Variants in SDK2 observed in about 807,000 individuals in gnomAD.
SDK2 encodes sidekick cell adhesion molecule 2.
In SDK2, 105 loss-of-function variants were observed where a neutral mutation model predicts 253.9. The observed-to-expected ratio is 0.41, with a 90% CI of 0.35 to 0.49. SDK2 has a LOEUF of 0.49. Ranked by LOEUF, SDK2 falls within the 20% of genes least tolerant of loss-of-function variation. The pLI, the probability that SDK2 is intolerant of heterozygous loss-of-function variation, is 0.06. For missense variants in SDK2, 2,608 were observed against 3,003.0 expected, an observed-to-expected ratio of 0.87 and a Z score of 3.07; for synonymous variants, 1,249 against 1,234.9, an observed-to-expected ratio of 1.01 and a Z score of -0.24.
chr17:73,447,534 C>A lies in SDK2; in HGVS notation c.613+81G>T. 6.6e-7 allele frequency: 1 copy of A among 1,525,748 alleles called. No individual in the cohort carries two copies. The highest frequency in any genetic ancestry group is 1.2e-5 in the South Asian group (1 of 81,092). The allele number at this position is 1,525,748 out of a possible 1,614,324, so 94.5% of individuals were successfully genotyped here. On this transcript the variant is annotated intron_variant, in intron 5 of 44. Coordinates refer to ENST00000392650, the MANE Select transcript of SDK2 (RefSeq NM_001144952.2). This position sits in a 1 kb window ranked among gnomAD's most constrained non-coding sequence, Gnocchi z 4.0. ...CTGTCCCCCTCCTCTGCCACTCCAT[C>A]TTCCCAATGATCCCCTGGAGCACCA... is the stretch of plus-strand genomic sequence containing the variant.
chr17:73,416,620 C>T (rs1210986162), intron 16 of SDK2, among the ~76,000 whole-genome samples: 2 of 150,528 alleles, frequency 1.3e-5, no homozygotes, highest in Non-Finnish European at 3.0e-5. Flanking sequence ...GATGGAGTCT[C>T]GCTCTTTCAC....
chr17:73,341,323 T>C (rs1048185101), intron 44 of SDK2, among the ~76,000 whole-genome samples: 3 of 150,800 alleles, frequency 2.0e-5, no homozygotes, highest in South Asian at 2.1e-4. Context: ...TCAATCTCGG[T>C]TGGAAAGTAA....
At position 73,419,419 on chromosome 17, in the gene SDK2, G is replaced by A. The variant is rs75493158; in HGVS notation, c.2046-113C>T. 3,411 of 1,189,828 alleles carry A rather than the reference G, an allele frequency of 2.9e-3. 56 individuals are homozygous for A. The African/African-American group carries it at 0.041, about 14-fold the overall frequency. 73.7% of individuals were successfully genotyped at this position (1,189,828 alleles called of 1,614,324 possible). On this transcript the variant is annotated intron_variant, in intron 15 of 44. Coordinates refer to ENST00000392650, the MANE Select transcript of SDK2 (RefSeq NM_001144952.2). ...TGACTCTGGATAATTCGGTACAACT[G>A]CTGTGTGCATCTGGGCAAGTTACCT... is the stretch of plus-strand genomic sequence containing the variant.
intron 34 of SDK2, among the ~76,000 whole-genome samples, chr17:73,380,250 A>G (rs749181057): frequency 6.6e-6 from 1 of 152,098 alleles, no homozygotes; most frequent in Non-Finnish European, 1.5e-5. Context: ...CTAGCTGTCT[A>G]TGCAGCCTGG....
chr17:73,529,107 C>G (rs554781251), intron 1 of SDK2, among the ~76,000 whole-genome samples: 46 of 152,280 alleles, frequency 3.0e-4, no homozygotes, highest in African/African-American at 1.1e-3. Flanking sequence ...GCTTTCTTTT[C>G]TGTCATATGG....
intron 1 of SDK2, among the ~76,000 whole-genome samples, chr17:73,637,387 T>C (rs1177452754): frequency 6.6e-6 from 1 of 152,160 alleles, no homozygotes; most frequent in East Asian, 1.9e-4. Flanking sequence ...ATAATTATTA[T>C]TATTGTTTTG....
At chr17:73,631,871 C>G (rs751824040) in intron 1 of SDK2, among the ~76,000 whole-genome samples, 4 of 152,238 alleles carry the variant, frequency 2.6e-5, no homozygotes, top group Non-Finnish European at 5.9e-5. Flanking sequence ...GCCCAAACCT[C>G]TGACTAAGAG....
rs759049279 is a variant in SDK2, at chr17:73,383,904, G to A, written c.4677C>T (p.Asn1559=). The A allele has an allele frequency of 1.9e-6, 3 of 1,613,866 alleles. No homozygotes were observed. In the South Asian group the frequency reaches 3.3e-5, roughly 18 times the overall value. The part of the protein sequence containing the change: ...LRGFTLRGIN[N]PGATWAELTS... ...TAAGCTCAGCCCATGTGGCCCCTGG[G>A]TTGTTGATGCCTCGAAGCGTGAAGC... The change falls in exon 33 of 45, where the codon AAC becomes AAT. Residue 1559 remains asparagine, a synonymous_variant. Coordinates refer to ENST00000392650, the MANE Select transcript of SDK2 (RefSeq NM_001144952.2). The surrounding 1 kb of genome is among the most constrained non-coding windows in gnomAD (Gnocchi z 4.3).
rs2062812257 is a variant in SDK2, at chr17:73,379,455, C to T, written c.4857G>A (p.Gly1619=). 1 of 1,605,414 alleles carries T rather than the reference C, an allele frequency of 6.2e-7. No homozygotes were observed. Among genetic ancestry groups the T allele is most frequent in the African/African-American group, 1.3e-5 (1 of 74,916 alleles). The part of the protein sequence containing the change: ...PSSPPQEVFV[G]EAVPTAAPRN... ...AGGGCGGGCGCTGCTCACCTGCCTCCCCAACAAAGACCTCCTGCGGGGGGC... is the reference window on the plus strand; with the variant it reads ...AGGGCGGGCGCTGCTCACCTGCCTCTCCAACAAAGACCTCCTGCGGGGGGC... Residue 1619 remains glycine, a synonymous_variant, in exon 35 of 45, where the codon GGG becomes GGA. Coordinates refer to ENST00000392650, the MANE Select transcript of SDK2 (RefSeq NM_001144952.2). This position sits in a 1 kb window ranked among gnomAD's most constrained non-coding sequence, Gnocchi z 4.5.
intron 16 of SDK2, 136 bp downstream of exon 16, chr17:73,419,030 G>T: frequency 1.1e-6 from 1 of 926,748 alleles, no homozygotes; most frequent in Non-Finnish European, 1.6e-6. Flanking sequence ...CACTGAGTAG[G>T]CATTTCTTGT....
intron 36 of SDK2, among the ~76,000 whole-genome samples, chr17:73,372,571 T>C (rs1463368573): frequency 6.6e-6 from 1 of 152,104 alleles, no homozygotes; most frequent in Non-Finnish European, 1.5e-5. Flanking sequence ...TGAGGTATAA[T>C]TGACAATCTA....
At chr17:73,463,727 G>C (rs547080696) in intron 3 of SDK2, among the ~76,000 whole-genome samples, 3 of 152,084 alleles carry the variant, frequency 2.0e-5, no homozygotes, top group Non-Finnish European at 4.4e-5. Context: ...ATTTTTTTGG[G>C]GGGGCTCCAT....
Position 73,414,672 on chromosome 17 carries a change from A to T in SDK2, c.2456T>A (p.Phe819Tyr), listed in dbSNP as rs2063165300. 6.2e-7 allele frequency: 1 copy of T among 1,613,822 alleles called. No individual in the cohort carries two copies. Among genetic ancestry groups the T allele is most frequent in the East Asian group, 2.2e-5 (1 of 44,852 alleles). ...GTAGCCCTGGTTGATGCCGTTGATG[A>T]ACTGGGGGCTGGGGGCGTTCCAGGT... ...RFTWNAPSPQ[F>Y]INGINQGYKL... The change falls in exon 18 of 45, where the codon TTC becomes TAC. Residue 819 changes from phenylalanine to tyrosine, a missense_variant. Physicochemically the swap from Phe to Tyr is conservative, Grantham distance 22. This residue lies in a region of SDK2 where 1,505 missense variants were observed against 1,859.1 expected (regional missense o/e 0.81). Coordinates refer to ENST00000392650, the MANE Select transcript of SDK2 (RefSeq NM_001144952.2).
rs753827757 is a variant in SDK2, at chr17:73,361,707, T to C, written c.5444A>G (p.Asn1815Ser). 9 of 1,612,108 alleles carry C rather than the reference T, an allele frequency of 5.6e-6. No individual in the cohort carries two copies. The East Asian group carries it at 2.0e-4, about 36-fold the overall frequency. ...ACCTTCTCCGGGGCCCGTGGTGACG[T>C]TGGCTTCGATCTCCGGCCCGTAGGT... ...TFTYGPEIEA[N>S]VTTGPGEGAP... Residue 1815 changes from asparagine to serine, a missense_variant, in exon 39 of 45, where the codon AAC (asparagine) becomes AGC (serine). Around this residue, in one of 2 missense-constraint regions of SDK2, gnomAD observed 1,103 missense variants for 1,143.9 expected, o/e 0.96. Coordinates refer to ENST00000392650, the MANE Select transcript of SDK2 (RefSeq NM_001144952.2). The surrounding 1 kb of genome is among the most constrained non-coding windows in gnomAD (Gnocchi z 4.1).
chr17:73,350,190 T>TGGGCACTGCAGGGCCTGGCCCCCCACCC, intron 43 of SDK2, 47 bp downstream of exon 43: 1 of 163,698 alleles, frequency 6.1e-6, no homozygotes, highest in Non-Finnish European at 9.7e-6. Context: ...TCTCCCCACC[T>TGGGCACTGCAGGGCCTGGCCCCCCACCC]GGGCACTGCT....
At chr17:73,392,144 T>G (rs1041888712) in intron 27 of SDK2, among the ~76,000 whole-genome samples, 6 of 146,666 alleles carry the variant, frequency 4.1e-5, no homozygotes, top group African/African-American at 1.5e-4. Context: ...AGATGAAGAT[T>G]GAATGGAGTG....
At chr17:73,347,004 G>A (rs918763686) in intron 44 of SDK2, among the ~76,000 whole-genome samples, 2 of 152,218 alleles carry the variant, frequency 1.3e-5, no homozygotes, top group African/African-American at 4.8e-5. Context: ...GATGCTGATT[G>A]GTAGCCGAGC....
intron 1 of SDK2, among the ~76,000 whole-genome samples, chr17:73,607,818 C>T (rs752131081): frequency 4.7e-5 from 7 of 150,074 alleles, no homozygotes; most frequent in African/African-American, 7.3e-5. Context: ...GGCTTTTGAG[C>T]GAAGGACACA....
chr17:73,460,188 G>A (rs1286419640), intron 3 of SDK2, among the ~76,000 whole-genome samples: 1 of 152,196 alleles, frequency 6.6e-6, no homozygotes, highest in East Asian at 1.9e-4. Flanking sequence ...CTCGCCCTTG[G>A]AATCCAGTCA....
Sources: gnomAD v4.1 joint callset for allele counts (sites outside exome capture counted in the v4.1 genomes callset) on GRCh38, gnomAD v4.1.1 for gene constraint, gnomAD v4.1.1 regional missense constraint, Gnocchi (gnomAD v3.1) non-coding constraint, MANE v1.5 for transcripts, NCBI Gene and HGNC (gene_info 2026-07-23, HGNC 2026-07-21) for gene names.